Variants in NTRK3 observed in about 807,000 individuals in gnomAD.
NTRK3 encodes NT-3 growth factor receptor.
In NTRK3, 24 loss-of-function variants were observed where a neutral mutation model predicts 91.7. The ratio of observed to expected loss-of-function variants is 0.26; its 90% CI spans 0.19 to 0.37. The LOEUF is 0.37. Among genes scored for constraint, NTRK3 ranks in the 10% least tolerant of loss-of-function variants. The probability of loss-of-function intolerance (pLI) is 1.00; values close to 1 mark genes in which losing one functional copy is unlikely to be tolerated. For missense variants in NTRK3, 880 were observed against 1,068.9 expected (o/e 0.82, Z 2.46); for synonymous variants, 483 against 404.0 (o/e 1.20, Z -2.34).
chr15:88,234,456 C>T lies in NTRK3; in HGVS notation c.248+21450G>A, dbSNP rs149915290. 9.8e-5 allele frequency among the ~76,000 whole-genome samples: 15 copies of T among 152,340 alleles called. No homozygotes were observed. Among genetic ancestry groups the T allele is most frequent in the African/African-American group, 3.4e-4 (14 of 41,578 alleles). On this transcript the variant is annotated intron_variant, in intron 3 of 18. Transcript: ENST00000394480. The surrounding 1 kb of genome is among the most constrained non-coding windows in gnomAD (Gnocchi z 6.1). ...TCTCTCCCCTCTCGACTTCCCCAGC[C>T]AGAATGAACTTTCTTCAGCTTCTTA...
At chr15:87,982,246 T>C (rs2074353554) in intron 14 of NTRK3, among the ~76,000 whole-genome samples, 1 of 152,230 alleles carries the variant, frequency 6.6e-6, no homozygotes, top group African/African-American at 2.4e-5. Context: ...TAAGAGGCAC[T>C]GCTCCAAAAT....
chr15:88,116,435 AT>A (rs147433540), intron 13 of NTRK3, among the ~76,000 whole-genome samples: 31,580 of 150,244 alleles, frequency 0.21, 3,493 homozygotes, highest in Non-Finnish European at 0.25. Context: ...AAGTACAAAA[AT>A]TTAAAAAAAA....
chr15:88,193,922 C>A (rs1035737609), intron 3 of NTRK3, among the ~76,000 whole-genome samples: 3 of 152,338 alleles, frequency 2.0e-5, no homozygotes, highest in Non-Finnish European at 2.9e-5. Flanking sequence ...AAAGAATCGT[C>A]TACACCTGCA....
At chr15:88,180,353 A>C (rs887811668) in intron 5 of NTRK3, among the ~76,000 whole-genome samples, 2 of 152,208 alleles carry the variant, frequency 1.3e-5, no homozygotes, top group Admixed American at 1.3e-4. Flanking sequence ...ATTCATCCAT[A>C]TCTCATTTTC....
chr15:87,889,447 C>G (rs1419083466), intron 17 of NTRK3, among the ~76,000 whole-genome samples: 1 of 145,020 alleles, frequency 6.9e-6, no homozygotes, highest in Non-Finnish European at 1.5e-5. Flanking sequence ...TCTTGTTGCC[C>G]AGGCTGGAGT....
intron 14 of NTRK3, among the ~76,000 whole-genome samples, chr15:87,999,134 A>T (rs1226209970): frequency 6.6e-6 from 1 of 152,186 alleles, no homozygotes; most frequent in East Asian, 1.9e-4. Context: ...TTTGGACATG[A>T]AGCCACTGAC....
intron 13 of NTRK3, among the ~76,000 whole-genome samples, chr15:88,118,840 G>A (rs1274680173): frequency 6.6e-6 from 1 of 152,120 alleles, no homozygotes; most frequent in Non-Finnish European, 1.5e-5. Flanking sequence ...TAACCCTGTG[G>A]GAGCCATTTG....
At chr15:88,252,533 C>T (rs2053520238) in intron 3 of NTRK3, 1 of 152,462 alleles carries the variant, frequency 6.6e-6, no homozygotes, top group African/African-American at 2.4e-5. Flanking sequence ...CTGGTCCAGC[C>T]ATGCCATCCT....
intron 17 of NTRK3, among the ~76,000 whole-genome samples, chr15:87,898,263 A>T (rs1567083204): frequency 6.6e-6 from 1 of 152,244 alleles, no homozygotes; most frequent in Non-Finnish European, 1.5e-5. Context: ...GCCAGTCAGC[A>T]TGGTAAAGCC....
intron 3 of NTRK3, among the ~76,000 whole-genome samples, chr15:88,206,387 G>C (rs1276051776): frequency 6.9e-6 from 1 of 145,576 alleles, no homozygotes; most frequent in Non-Finnish European, 1.5e-5. Flanking sequence ...GGCCGGGCGC[G>C]GTGGCTCACG....
At chr15:88,008,046 C>T (rs1247421584) in intron 14 of NTRK3, among the ~76,000 whole-genome samples, 4 of 152,150 alleles carry the variant, frequency 2.6e-5, no homozygotes, top group Non-Finnish European at 5.9e-5. Context: ...CAAAACTATT[C>T]CCATACACTA....
chr15:88,071,662 A>T (rs143432824), intron 13 of NTRK3, among the ~76,000 whole-genome samples: 1 of 152,346 alleles, frequency 6.6e-6, no homozygotes, highest in Non-Finnish European at 1.5e-5. Context: ...CCCATTTTAT[A>T]GCTAGGATCG....
chr15:88,026,043 G>T (rs890659041), intron 14 of NTRK3, among the ~76,000 whole-genome samples: 1 of 152,158 alleles, frequency 6.6e-6, no homozygotes, highest in South Asian at 2.1e-4. Context: ...AGGCCGGGAC[G>T]GGTAGATCAC....
At chr15:88,133,641 T>C (rs1373279033) in intron 10 of NTRK3, among the ~76,000 whole-genome samples, 1 of 152,196 alleles carries the variant, frequency 6.6e-6, no homozygotes, top group African/African-American at 2.4e-5. Context: ...CCTGCCCTTG[T>C]AGACCATAAG....
intron 13 of NTRK3, among the ~76,000 whole-genome samples, chr15:88,091,769 T>C (rs944064536): frequency 6.6e-6 from 1 of 152,178 alleles, no homozygotes; most frequent in Non-Finnish European, 1.5e-5. Flanking sequence ...AAGCGGTAAA[T>C]GTTCCTTGGT....
Position 88,240,838 on chromosome 15 carries a change from A to T in NTRK3, c.248+15068T>A, listed in dbSNP as rs1030736112. On this transcript the variant is annotated intron_variant, in intron 3 of 18. Transcript: ENST00000394480. This position sits in a 1 kb window ranked among gnomAD's most constrained non-coding sequence, Gnocchi z 4.9. Reference sequence around the variant, plus strand: ...TGATGAGCTCAGTTTTCTCTAGAAGATTCCTCCAACGGGCTGCCCTGCTAA... The same window carrying T: ...TGATGAGCTCAGTTTTCTCTAGAAGTTTCCTCCAACGGGCTGCCCTGCTAA... 5.9e-5 allele frequency among the ~76,000 whole-genome samples: 9 copies of T among 152,226 alleles called. No individual in the cohort carries two copies. The highest frequency in any genetic ancestry group is 2.2e-4 in the African/African-American group (9 of 41,470).
chr15:88,131,114 C>G (rs1400395582), intron 10 of NTRK3, among the ~76,000 whole-genome samples: 1 of 152,186 alleles, frequency 6.6e-6, no homozygotes, highest in Middle Eastern at 3.2e-3. Flanking sequence ...ATTCAGTAGA[C>G]CTGGGGTGGG....
intron 13 of NTRK3, among the ~76,000 whole-genome samples, chr15:88,041,486 A>T (rs989663600): frequency 6.6e-6 from 1 of 152,232 alleles, no homozygotes; most frequent in African/African-American, 2.4e-5. Flanking sequence ...ATGAAAAGTA[A>T]GCAGAAGTGA....
At chr15:88,094,766 A>G (rs1352542195) in intron 13 of NTRK3, among the ~76,000 whole-genome samples, 1 of 152,174 alleles carries the variant, frequency 6.6e-6, no homozygotes, top group African/African-American at 2.4e-5. Flanking sequence ...GCAGACGTGA[A>G]TGTCCCTCCT....
Sources: allele counts gnomAD v4.1 joint callset (sites outside exome capture counted in the v4.1 genomes callset), GRCh38; gene constraint gnomAD v4.1.1; non-coding constraint Gnocchi (gnomAD v3.1); transcripts MANE v1.5; gene names NCBI Gene and HGNC (gene_info 2026-07-23, HGNC 2026-07-21).